The following WWOX variants were observed in gnomAD, a reference collection of about 807,000 sequenced individuals.
WWOX encodes WW domain containing oxidoreductase.
A neutral mutation model predicts 46.2 loss-of-function variants in WWOX; 69 were observed. That is an observed-to-expected ratio of 1.49 (90% confidence interval 1.23 to 1.82). The LOEUF (loss-of-function observed/expected upper bound fraction) is 1.82. WWOX is among the 40% of genes most tolerant of loss of function. WWOX has a pLI of 0.00. For missense variants in WWOX, 919 were observed against 542.6 expected, an observed-to-expected ratio of 1.69 and a Z score of -6.89; for synonymous variants, 359 against 202.6, an observed-to-expected ratio of 1.77 and a Z score of -6.56.
At chr16:79,188,161 C>G (rs9928207) in intron 8 of WWOX, among the ~76,000 whole-genome samples, 22 of 152,190 alleles carry the variant, frequency 1.4e-4, no homozygotes, top group African/African-American at 5.3e-4. Context: ...CCCACGAAGT[C>G]TTGAGCTAAA....
intron 8 of WWOX, among the ~76,000 whole-genome samples, chr16:79,093,582 C>T (rs989025520): frequency 6.6e-6 from 1 of 152,186 alleles, no homozygotes; most frequent in African/African-American, 2.4e-5. Context: ...CCCACTTCAC[C>T]TTCCCAGCAG....
chr16:78,544,080 C>G (rs367666161), intron 8 of WWOX, among the ~76,000 whole-genome samples: 1 of 152,080 alleles, frequency 6.6e-6, no homozygotes, highest in African/African-American at 2.4e-5. Flanking sequence ...AGCAGAAACC[C>G]ATGTTTTTGA....
chr16:78,846,850 C>T (rs973404290), intron 8 of WWOX, among the ~76,000 whole-genome samples: 3 of 152,140 alleles, frequency 2.0e-5, no homozygotes, highest in African/African-American at 7.2e-5. Flanking sequence ...GTCATGCCTT[C>T]TATTTTTTGG....
intron 8 of WWOX, among the ~76,000 whole-genome samples, chr16:78,820,161 G>A (rs1003355714): frequency 6.6e-6 from 1 of 152,084 alleles, no homozygotes; most frequent in African/African-American, 2.4e-5. Context: ...GTCCCTGCTT[G>A]CTGGAGACAT....
At chr16:78,374,557 TTTTTTTTTTA>T (rs2081772045) in intron 5 of WWOX, among the ~76,000 whole-genome samples, 1 of 44,598 alleles carries the variant, frequency 2.2e-5, no homozygotes, top group African/African-American at 6.6e-5. Flanking sequence ...TTTTTTTTTT[TTTTTTTTTTA>T]AGGCAGAGTT....
At chr16:78,382,002 G>A (rs1178467145) in intron 5 of WWOX, among the ~76,000 whole-genome samples, 1 of 152,138 alleles carries the variant, frequency 6.6e-6, no homozygotes, top group Non-Finnish European at 1.5e-5. Flanking sequence ...TGTAGCAGGT[G>A]CATGCTGCTA....
At chr16:78,594,773 T>C (rs1789640895) in intron 8 of WWOX, among the ~76,000 whole-genome samples, 1 of 152,178 alleles carries the variant, frequency 6.6e-6, no homozygotes, top group Non-Finnish European at 1.5e-5. Context: ...ATTTATTTTA[T>C]TTAGCATTCA....
intron 5 of WWOX, among the ~76,000 whole-genome samples, chr16:78,285,736 C>T (rs2079756138): frequency 6.6e-6 from 1 of 152,166 alleles, no homozygotes; most frequent in Non-Finnish European, 1.5e-5. Context: ...GCAACCTTTG[C>T]GCCTAAATAG....
At chr16:78,553,906 C>T (rs751673833) in intron 8 of WWOX, among the ~76,000 whole-genome samples, 1 of 152,086 alleles carries the variant, frequency 6.6e-6, no homozygotes, top group Non-Finnish European at 1.5e-5. Context: ...AGAGCAAACT[C>T]CCACAGCTTG....
chr16:78,325,401 A>G lies in WWOX; in HGVS notation c.517-61459A>G, dbSNP rs527648067. On this transcript the variant is annotated intron_variant, in intron 5 of 8. Coordinates refer to ENST00000566780, the MANE Select transcript of WWOX (RefSeq NM_016373.4). Reference sequence around the variant, plus strand: ...TCCAATTGTTCTATTGCAGTATTTAATGAGTGCAATTAAATGGAAAAATTG... The same window carrying G: ...TCCAATTGTTCTATTGCAGTATTTAGTGAGTGCAATTAAATGGAAAAATTG... 3.0e-4 allele frequency among the ~76,000 whole-genome samples: 45 copies of G among 152,140 alleles called. 1 individual carries two copies. Among genetic ancestry groups the G allele is most frequent in the Non-Finnish European group, 5.9e-5 (4 of 68,016 alleles).
chr16:79,176,580 AT>A (rs1364412199), intron 8 of WWOX, among the ~76,000 whole-genome samples: 1 of 152,202 alleles, frequency 6.6e-6, no homozygotes, highest in African/African-American at 2.4e-5. Context: ...ATAAATATAC[AT>A]AGAATGTATG....
At chr16:79,035,037 A>G (rs968956497) in intron 8 of WWOX, among the ~76,000 whole-genome samples, 2 of 152,244 alleles carry the variant, frequency 1.3e-5, no homozygotes, top group Non-Finnish European at 1.5e-5. Flanking sequence ...TTAACTTGTC[A>G]ACATTTCCTA....
intron 5 of WWOX, among the ~76,000 whole-genome samples, chr16:78,335,601 G>A (rs1597499337): frequency 6.6e-6 from 1 of 152,148 alleles, no homozygotes; most frequent in Non-Finnish European, 1.5e-5. Context: ...TACTGGGTAT[G>A]TAACCAAAGG....
At chr16:78,728,826 G>A (rs1597503472) in intron 8 of WWOX, among the ~76,000 whole-genome samples, 1 of 152,288 alleles carries the variant, frequency 6.6e-6, no homozygotes, top group Non-Finnish European at 1.5e-5. Flanking sequence ...GGGACCTCAG[G>A]TATGTCACTT....
At chr16:78,992,123 G>A (rs2036808) in intron 8 of WWOX, among the ~76,000 whole-genome samples, 149,670 of 152,206 alleles carry the variant, frequency 0.98, 73,657 homozygotes, top group East Asian at 1. Flanking sequence ...GTAGCAATGA[G>A]TGAAAGGTAA....
chr16:78,851,355 C>G (rs745690272), intron 8 of WWOX, among the ~76,000 whole-genome samples: 5 of 152,164 alleles, frequency 3.3e-5, no homozygotes, highest in Non-Finnish European at 5.9e-5. Flanking sequence ...TGAGAATTTT[C>G]TTATAGGTGG....
rs939634541 is a variant in WWOX at position 78,138,451 on chromosome 16, A to G, written c.409+23297A>G. Among the ~76,000 whole-genome samples, 3 of 152,190 alleles carry G rather than the reference A, an allele frequency of 2.0e-5. No individual in the cohort carries two copies. The East Asian group carries it at 5.8e-4, about 29-fold the overall frequency. On this transcript the variant is annotated intron_variant, in intron 4 of 8. Coordinates refer to ENST00000566780, the MANE Select transcript of WWOX (RefSeq NM_016373.4). The stretch of plus-strand genomic sequence containing the variant: ...TGAAAACCAAAAGGGAAAGGAGGAC[A>G]GGAGTGAATCTGGCACTTATCTTTC...
intron 8 of WWOX, among the ~76,000 whole-genome samples, chr16:78,548,061 A>G (rs1411532919): frequency 1.3e-5 from 2 of 150,904 alleles, no homozygotes; most frequent in Non-Finnish European, 2.9e-5. Context: ...AGGCTGAGGC[A>G]GGAGAATCAC....
chr16:78,881,329 A>G (rs1228533257), intron 8 of WWOX, among the ~76,000 whole-genome samples: 1 of 152,150 alleles, frequency 6.6e-6, no homozygotes. Flanking sequence ...CTACATAGTT[A>G]CTGCTGCCCA....
Sources: allele counts gnomAD v4.1 joint callset (sites outside exome capture counted in the v4.1 genomes callset), GRCh38; gene constraint gnomAD v4.1.1; transcripts MANE v1.5; gene names NCBI Gene and HGNC (gene_info 2026-07-23, HGNC 2026-07-21).